Variants in MREG observed in about 807,000 individuals in gnomAD.
The protein encoded by MREG is melanoregulin.
Under a neutral mutation model 28.5 loss-of-function variants are expected in MREG, and 31 were observed. The ratio of observed to expected loss-of-function variants is 1.09; its 90% CI spans 0.82 to 1.47. MREG has a LOEUF of 1.47. Ranked by LOEUF, MREG falls within the 40% of genes most tolerant of loss-of-function variation. MREG has a pLI of 0.00. For synonymous variants in MREG, 106 were observed against 95.2 expected (o/e 1.11, Z -0.66); for missense variants, 256 against 257.4 (o/e 0.99, Z 0.04).
rs1253937585 is a variant in MREG at position 215,996,391 on chromosome 2, T to A, written c.170A>T (p.His57Leu). Residue 57 changes from histidine (H) to leucine (L), a missense_variant, in exon 2 of 5, where the codon CAT becomes CTT. His to Leu is a moderately conservative substitution (Grantham distance 99). Coordinates refer to ENST00000263268, the MANE Select transcript of MREG (RefSeq NM_018000.3). The stretch of plus-strand genomic sequence containing the variant: ...GTCTGCCTCTGTGTGGGACACATCA[T>A]GGGGCATACTCCATAAATTCTTCTC... ...DDEKNLWSMP[H>L]DVSHTEADDD... 6.2e-7 allele frequency: 1 copy of A among 1,613,626 alleles called. No individual in the cohort carries two copies. The highest frequency in any genetic ancestry group is 2.2e-5 in the East Asian group (1 of 44,898).
chr2:215,947,913 G>A (rs886221616), intron 2 of MREG, among the ~76,000 whole-genome samples: 6 of 152,198 alleles, frequency 3.9e-5, no homozygotes, highest in Non-Finnish European at 7.3e-5. Context: ...TGAGATAAGT[G>A]TGCCTTTAAA....
At chr2:215,946,697 A>C (rs1449230538) in intron 3 of MREG, among the ~76,000 whole-genome samples, 1 of 152,230 alleles carries the variant, frequency 6.6e-6, no homozygotes, top group Admixed American at 6.5e-5. Flanking sequence ...CTAATTGGCC[A>C]ACACCCCATC....
At chr2:215,967,668 T>C (rs565704984) in intron 2 of MREG, among the ~76,000 whole-genome samples, 1 of 152,324 alleles carries the variant, frequency 6.6e-6, no homozygotes, top group East Asian at 1.9e-4. Flanking sequence ...TGGCCTTAAG[T>C]AGAGGCCAGC....
intron 2 of MREG, among the ~76,000 whole-genome samples, chr2:215,969,253 T>G (rs1422572283): frequency 1.3e-5 from 2 of 152,174 alleles, no homozygotes; most frequent in Non-Finnish European, 2.9e-5. Flanking sequence ...TTGTATTAGT[T>G]TCCTGGTGGA....
chr2:215,987,350 G>A (rs960077773), intron 2 of MREG, among the ~76,000 whole-genome samples: 2 of 150,672 alleles, frequency 1.3e-5, no homozygotes, highest in African/African-American at 2.4e-5. Context: ...GGTTCAAAGC[G>A]ATTCTCCTGC....
rs1313794692 is a variant in MREG at position 215,994,622 on chromosome 2, GAAGAA to G, written c.255+1679_255+1683del. Among the ~76,000 whole-genome samples, 16 of 44,120 alleles carry G rather than the reference GAAGAA, an allele frequency of 3.6e-4. No individual in the cohort carries two copies. In the Admixed American group the frequency reaches 5.1e-3, roughly 14 times the overall value. The allele number at this position is 44,120 out of a possible 152,430, so 28.9% of individuals were successfully genotyped here. A position where few individuals can be genotyped will look rare whatever the true frequency, so the allele number is the denominator to read the frequency against. The stretch of plus-strand genomic sequence containing the variant: ...AAGGAGAAGAAGAGGAAGAAGAAGA[GAAGAA>G]GGAGGGGGAGGAGGAGGAGGAAGCT... On this transcript the variant is annotated intron_variant, in intron 2 of 4. Transcript: ENST00000263268.
downstream of MREG, among the ~76,000 whole-genome samples, chr2:215,939,959 TTA>T (rs1559170259): frequency 6.6e-6 from 1 of 152,228 alleles, no homozygotes; most frequent in African/African-American, 2.4e-5. Flanking sequence ...CCTCTAGCTA[TTA>T]TGTCATTATT....
In MREG at chr2:215,945,591, C is replaced by G. The variant is rs774687123; in HGVS notation, c.490G>C (p.Glu164Gln). ...NIFPTSWELS[E>Q]RYLFVVDRLI... Reference sequence around the variant, plus strand: ...CTTACCACAACAAAGAGATATCTCTCTGAGAGCTCCCAACTTGTTGGGAAA... The same window carrying G: ...CTTACCACAACAAAGAGATATCTCTGTGAGAGCTCCCAACTTGTTGGGAAA... Residue 164 changes from glutamate (E) to glutamine (Q), a missense_variant, in exon 4 of 5, where the codon GAG becomes CAG. Coordinates refer to ENST00000263268, the MANE Select transcript of MREG (RefSeq NM_018000.3). The G allele has an allele frequency of 4.3e-6, 7 of 1,613,762 alleles. No individual in the cohort carries two copies. The highest frequency in any genetic ancestry group is 5.9e-6 in the Non-Finnish European group (7 of 1,179,834).
intron 1 of MREG, among the ~76,000 whole-genome samples, chr2:216,004,125 A>G (rs1356087348): frequency 1.3e-5 from 2 of 152,120 alleles, no homozygotes; most frequent in Non-Finnish European, 2.9e-5. Context: ...GGGCCCTTGC[A>G]CTGGCTGATC....
intron 2 of MREG, among the ~76,000 whole-genome samples, chr2:215,989,157 CT>C (rs1693657827): frequency 6.6e-6 from 1 of 152,160 alleles, no homozygotes; most frequent in African/African-American, 2.4e-5. Flanking sequence ...CTGCTGGTAT[CT>C]GGTGGGTGCC....
At position 215,943,531 on chromosome 2, in the gene MREG, T is replaced by C. The variant is rs932103477; in HGVS notation, c.*1332A>G. 11 of 456,238 alleles carry C rather than the reference T, an allele frequency of 2.4e-5. No homozygotes were observed. The highest frequency in any genetic ancestry group is 4.9e-5 in the Non-Finnish European group (11 of 226,772). The allele number at this position is 456,238 out of a possible 1,614,324, so 28.3% of individuals were successfully genotyped here. A position where few individuals can be genotyped will look rare whatever the true frequency, so the allele number is the denominator to read the frequency against. On this transcript the variant is annotated 3_prime_UTR_variant, in exon 5 of 5. Coordinates refer to ENST00000263268, the MANE Select transcript of MREG (RefSeq NM_018000.3). ...GAGGTCAAACACTTCAGTTTACAGA[T>C]GCTATTCCAGATAAAATGCCAAGGG...
In MREG at chr2:216,008,739, G is replaced by A. The variant is rs561718584; in HGVS notation, c.95+4494C>T. Among the ~76,000 whole-genome samples the A allele has an allele frequency of 4.6e-5, 7 of 152,284 alleles. No homozygotes were observed. The East Asian group carries it at 7.7e-4, about 17-fold the overall frequency. Reference sequence around the variant, plus strand: ...TAAAAAGGAATTGATCAGGACCTTCGGGTGTGGGCCAAATTCAAAACAAAT... The same window carrying A: ...TAAAAAGGAATTGATCAGGACCTTCAGGTGTGGGCCAAATTCAAAACAAAT... On this transcript the variant is annotated intron_variant, in intron 1 of 4. Transcript: ENST00000263268.
chr2:215,980,284 A>C (rs538740767), intron 2 of MREG, among the ~76,000 whole-genome samples: 2 of 152,292 alleles, frequency 1.3e-5, no homozygotes, highest in African/African-American at 4.8e-5. Flanking sequence ...CTTGGCCTTC[A>C]TATATCTTTC....
chr2:215,983,461 C>T (rs191341718), intron 2 of MREG, among the ~76,000 whole-genome samples: 361 of 152,286 alleles, frequency 2.4e-3, no homozygotes, highest in African/African-American at 8.1e-3. Context: ...AAGTGTATGA[C>T]CCAGACATTG....
chr2:216,027,372 A>G (rs1694612101), intron 1 of MREG, among the ~76,000 whole-genome samples: 1 of 152,204 alleles, frequency 6.6e-6, no homozygotes, highest in Non-Finnish European at 1.5e-5. Context: ...GAGAAATTTA[A>G]CTTTGAAGTA....
chr2:215,976,943 C>A (rs983408757), intron 2 of MREG, among the ~76,000 whole-genome samples: 4 of 152,170 alleles, frequency 2.6e-5, no homozygotes, highest in Non-Finnish European at 2.9e-5. Flanking sequence ...TTGTAAAGAC[C>A]AAGGATGCTA....
intron 2 of MREG, among the ~76,000 whole-genome samples, chr2:215,981,442 G>A (rs1034620934): frequency 3.3e-5 from 5 of 151,422 alleles, no homozygotes; most frequent in South Asian, 2.1e-4. Flanking sequence ...CTTACAGTAC[G>A]TACCTAAAGT....
At chr2:215,958,917 C>T (rs1402697693) in intron 2 of MREG, among the ~76,000 whole-genome samples, 2 of 152,114 alleles carry the variant, frequency 1.3e-5, no homozygotes, top group East Asian at 1.9e-4. Context: ...GGTAGTAAGT[C>T]CCCCACCACC....
upstream of MREG, among the ~76,000 whole-genome samples, chr2:216,017,561 A>G (rs1694466446): frequency 6.6e-6 from 1 of 152,172 alleles, no homozygotes; most frequent in Admixed American, 6.5e-5. Flanking sequence ...GTTGAAGCCA[A>G]CACCGCCAAC....
Sources: allele counts gnomAD v4.1 joint callset (sites outside exome capture counted in the v4.1 genomes callset), GRCh38; gene constraint gnomAD v4.1.1; transcripts MANE v1.5; gene names NCBI Gene and HGNC (gene_info 2026-07-23, HGNC 2026-07-21).